The following SDK1 variants were observed in gnomAD, a reference collection of about 807,000 sequenced individuals.
SDK1 encodes protein sidekick-1.
A neutral mutation model predicts 245.5 loss-of-function variants in SDK1; 157 were observed. The observed-to-expected ratio is 0.64, with a 90% CI of 0.56 to 0.73. The LOEUF (loss-of-function observed/expected upper bound fraction) is 0.73. Among genes scored for constraint, SDK1 ranks in the 30% least tolerant of loss-of-function variants. The pLI is 0.00. For synonymous variants in SDK1, 1,647 were observed against 1,278.5 expected (o/e 1.29, Z -6.15); for missense variants, 3,583 against 3,002.3 (o/e 1.19, Z -4.52).
chr7:3,847,847 A>G (rs890768700), intron 5 of SDK1, among the ~76,000 whole-genome samples: 16 of 152,252 alleles, frequency 1.1e-4, no homozygotes, highest in African/African-American at 3.4e-4. Flanking sequence ...TTTCAAAAGT[A>G]TGTGGAAAAC....
chr7:3,900,394 G>T (rs1358246819), intron 5 of SDK1, among the ~76,000 whole-genome samples: 1 of 152,052 alleles, frequency 6.6e-6, no homozygotes, highest in Non-Finnish European at 1.5e-5. Flanking sequence ...GTTTTATCTG[G>T]TTTTTCATCC....
intron 1 of SDK1, among the ~76,000 whole-genome samples, chr7:3,358,477 C>A (rs1185290833): frequency 6.6e-6 from 1 of 151,388 alleles, no homozygotes; most frequent in Admixed American, 6.6e-5. Context: ...TTTTTTCCCC[C>A]AGCTACTGCT....
At chr7:4,138,514 G>A (rs1490136561) in intron 28 of SDK1, among the ~76,000 whole-genome samples, 1 of 152,120 alleles carries the variant, frequency 6.6e-6, no homozygotes, top group East Asian at 1.9e-4. Flanking sequence ...GGGAGGCTGA[G>A]AAGGGTGGAT....
chr7:4,139,729 GTGTGTGTA>G (rs1346744738), intron 28 of SDK1, among the ~76,000 whole-genome samples: 35 of 144,250 alleles, frequency 2.4e-4, no homozygotes, highest in African/African-American at 8.4e-4. Context: ...GTATGTGTGT[GTGTGTGTA>G]TGTGTGTGTG....
chr7:4,127,654 A>G (rs570012970), intron 26 of SDK1, among the ~76,000 whole-genome samples, 158 bp downstream of exon 26: 5 of 152,378 alleles, frequency 3.3e-5, no homozygotes, highest in Non-Finnish European at 5.9e-5. Context: ...TGTCTTATCT[A>G]AGCCTCATTG....
intron 1 of SDK1, among the ~76,000 whole-genome samples, chr7:3,427,106 G>A (rs1779699675): frequency 6.6e-6 from 1 of 152,210 alleles, no homozygotes; most frequent in African/African-American, 2.4e-5. Flanking sequence ...CTTAATAACA[G>A]TGGGAGCAAC....
chr7:4,251,065 A>G (rs996967703), intron 44 of SDK1, among the ~76,000 whole-genome samples: 2 of 152,214 alleles, frequency 1.3e-5, no homozygotes, highest in African/African-American at 4.8e-5. Context: ...TTCATTCAGC[A>G]TAATGTTTTC....
At chr7:3,316,870 ATT>A (rs936195647) in intron 1 of SDK1, among the ~76,000 whole-genome samples, 2 of 152,066 alleles carry the variant, frequency 1.3e-5, no homozygotes, top group Non-Finnish European at 2.9e-5. Context: ...GGCAAACACT[ATT>A]TAAACCTTTT....
intron 5 of SDK1, among the ~76,000 whole-genome samples, chr7:3,874,938 G>T (rs1405186792): frequency 1.3e-5 from 2 of 152,150 alleles, no homozygotes; most frequent in African/African-American, 4.8e-5. Context: ...GCTGTCTTAG[G>T]TTTCTCATTG....
chr7:3,634,074 C>G (rs1019003633), intron 2 of SDK1, among the ~76,000 whole-genome samples: 49 of 152,300 alleles, frequency 3.2e-4, no homozygotes, highest in African/African-American at 1.1e-3. Flanking sequence ...GCAAATGTGT[C>G]TAATTGGCCA....
At chr7:3,527,800 G>A (rs1189171930) in intron 1 of SDK1, among the ~76,000 whole-genome samples, 2 of 151,604 alleles carry the variant, frequency 1.3e-5, no homozygotes, top group African/African-American at 2.4e-5. Context: ...CAGCTAGAGG[G>A]TGAATGTTAG....
chr7:3,981,524 G>T (rs995329740), intron 13 of SDK1, among the ~76,000 whole-genome samples: 6 of 152,190 alleles, frequency 3.9e-5, no homozygotes, highest in Non-Finnish European at 7.3e-5. Flanking sequence ...CAAAAGCCAG[G>T]CCTCTTGCCC....
intron 35 of SDK1, among the ~76,000 whole-genome samples, chr7:4,197,127 C>A (rs1783626565): frequency 6.6e-6 from 1 of 152,096 alleles, no homozygotes; most frequent in Non-Finnish European, 1.5e-5. Flanking sequence ...GCGAGGAGAC[C>A]CAGGCTGGCC....
chr7:3,443,359 T>G (rs892460089), intron 1 of SDK1, among the ~76,000 whole-genome samples: 1 of 152,150 alleles, frequency 6.6e-6, no homozygotes, highest in African/African-American at 2.4e-5. Context: ...TTGCAAACCG[T>G]TTATGTCAAA....
At chr7:3,918,229 C>T (rs1408937986) in intron 5 of SDK1, among the ~76,000 whole-genome samples, 1 of 152,214 alleles carries the variant, frequency 6.6e-6, no homozygotes, top group African/African-American at 2.4e-5. Flanking sequence ...CCCCCAGCCA[C>T]AGACTGGTAT....
intron 5 of SDK1, among the ~76,000 whole-genome samples, chr7:3,862,294 C>A (rs78178460): frequency 0.053 from 8,060 of 152,250 alleles, 691 homozygotes; most frequent in African/African-American, 0.18. Flanking sequence ...AGTACCTTTT[C>A]AAGTTCCCCA....
intron 4 of SDK1, among the ~76,000 whole-genome samples, chr7:3,791,820 C>T (rs960061925): frequency 6.6e-6 from 1 of 152,112 alleles, no homozygotes; most frequent in African/African-American, 2.4e-5. Flanking sequence ...CAGTACCTGG[C>T]ATTGCTTTGA....
chr7:3,611,050 G>C (rs1422902224), intron 1 of SDK1, among the ~76,000 whole-genome samples: 1 of 152,152 alleles, frequency 6.6e-6, no homozygotes, highest in East Asian at 1.9e-4. Flanking sequence ...TTCAATTGTA[G>C]CTGCCTTTCA....
chr7:3,969,777 A>G (rs1172321075), intron 11 of SDK1, among the ~76,000 whole-genome samples: 2 of 152,334 alleles, frequency 1.3e-5, no homozygotes, highest in East Asian at 3.9e-4. Flanking sequence ...ATCCTAAAGA[A>G]GTAATATTTT....
Sources: allele counts gnomAD v4.1 joint callset (sites outside exome capture counted in the v4.1 genomes callset), GRCh38; gene constraint gnomAD v4.1.1; transcripts MANE v1.5; gene names NCBI Gene and HGNC (gene_info 2026-07-23, HGNC 2026-07-21).